The following WDR25 variants were observed in gnomAD, a reference collection of about 807,000 sequenced individuals.
WDR25 encodes the protein WD repeat-containing protein 25.
In WDR25, 35 loss-of-function variants were observed where a neutral mutation model predicts 47.7. The ratio of observed to expected loss-of-function variants is 0.73; its 90% confidence interval spans 0.56 to 0.97. The LOEUF is 0.97. Ranked by LOEUF, WDR25 falls within the 50% of genes least tolerant of loss-of-function variation. The pLI is 0.00. For synonymous variants in WDR25, 248 were observed against 278.9 expected (o/e 0.89, Z 1.10); for missense variants, 634 against 704.7 (o/e 0.90, Z 1.14).
chr14:100,459,907 T>TAC (rs1183436223), intron 2 of WDR25, among the ~76,000 whole-genome samples: 7 of 37,326 alleles, frequency 1.9e-4, no homozygotes, highest in African/African-American at 9.8e-4. Context: ...TATATATATA[T>TAC]ATATATATAT....
chr14:100,440,577 G>A lies in WDR25; in HGVS notation c.823-27444G>A, dbSNP rs982926218. On this transcript the variant is annotated intron_variant, in intron 2 of 6. Coordinates refer to ENST00000402312, the MANE Select transcript of WDR25 (RefSeq NM_001161476.3). The surrounding 1 kb of genome is among the most constrained non-coding windows in gnomAD (Gnocchi z 4.4). ...CACTGGGAGAAAAACACAGGCTCCT[G>A]CTTTGTCCATGTGGAAGGAGCCCAG... 6.6e-6 allele frequency among the ~76,000 whole-genome samples: 1 copy of A among 152,256 alleles called. No individual in the cohort carries two copies. The highest frequency in any genetic ancestry group is 2.4e-5 in the African/African-American group (1 of 41,472).
chr14:100,388,691 C>G (rs1479626249), intron 2 of WDR25, among the ~76,000 whole-genome samples: 1 of 152,332 alleles, frequency 6.6e-6, no homozygotes, highest in Non-Finnish European at 1.5e-5. Flanking sequence ...AGTTGCCTTA[C>G]AATCTTGTAT....
In WDR25 at chr14:100,377,297, T is replaced by TTG. The variant is rs1433295479; in HGVS notation, c.-16+804_-16+805dup. ...GCTGGCTGGCTGGCTTTAGAAGTTG[T>TTG]TGTTGTTGTTGTTGTTTTTTGAGAC... is the stretch of plus-strand genomic sequence containing the variant. On this transcript the variant is annotated intron_variant, in intron 1 of 6. Coordinates refer to ENST00000402312, the MANE Select transcript of WDR25 (RefSeq NM_001161476.3). Among the ~76,000 whole-genome samples the TTG allele has an allele frequency of 5.3e-5, 8 of 151,576 alleles. No homozygotes were observed. In the East Asian group the frequency reaches 9.7e-4, roughly 18 times the overall value.
At chr14:100,432,174 G>A (rs1296996513) in intron 2 of WDR25, among the ~76,000 whole-genome samples, 2 of 152,168 alleles carry the variant, frequency 1.3e-5, no homozygotes, top group Non-Finnish European at 2.9e-5. Flanking sequence ...GAATTCAGGT[G>A]TTTCATTCTC....
At chr14:100,395,516 C>T (rs920985652) in intron 2 of WDR25, among the ~76,000 whole-genome samples, 2 of 152,144 alleles carry the variant, frequency 1.3e-5, no homozygotes, top group African/African-American at 4.8e-5. Flanking sequence ...CTCCTAAGCA[C>T]GGGGCTGGCA....
chr14:100,442,363 T>C (rs1898696374), intron 2 of WDR25, among the ~76,000 whole-genome samples: 1 of 152,172 alleles, frequency 6.6e-6, no homozygotes, highest in Non-Finnish European at 1.5e-5. Flanking sequence ...GTCTTCACCC[T>C]GGGGGAGCTC....
chr14:100,526,996 C>T (rs2030201173), intron 5 of WDR25, among the ~76,000 whole-genome samples: 1 of 3,138 alleles, frequency 3.2e-4, no homozygotes, highest in Non-Finnish European at 1.0e-3. Context: ...TCTCTGTCAC[C>T]TTCACTGTCA....
chr14:100,430,486 C>T lies in WDR25; in HGVS notation c.823-37535C>T, dbSNP rs146523652. On this transcript the variant is annotated intron_variant, in intron 2 of 6. Transcript: ENST00000402312. This position sits in a 1 kb window ranked among gnomAD's most constrained non-coding sequence, Gnocchi z 4.7. ...CAAGGAGAGTGTTTTATCATCAGCA[C>T]GTCAGATGGCGCCTGGCACAAAGTA... Among the ~76,000 whole-genome samples the T allele has an allele frequency of 3.3e-3, 506 of 152,334 alleles. 6 individuals carry two copies. Among genetic ancestry groups the T allele is most frequent in the African/African-American group, 0.012 (491 of 41,566 alleles).
rs1279093956 is a variant in WDR25, at chr14:100,459,880, A to ATGTG, written c.823-8140_823-8139insGTGT. On this transcript the variant is annotated intron_variant, in intron 2 of 6. Transcript: ENST00000402312. The stretch of plus-strand genomic sequence containing the variant: ...GAAATGGATATATATATATATCCGT[A>ATGTG]TATGTGTGTGTGTGTATATATATAT... Among the ~76,000 whole-genome samples, 44 of 71,722 alleles carry ATGTG rather than the reference A, an allele frequency of 6.1e-4. 1 individual carries two copies. Among genetic ancestry groups the ATGTG allele is most frequent in the African/African-American group, 3.2e-3 (43 of 13,496 alleles). 47.1% of individuals were successfully genotyped at this position (71,722 alleles called of 152,430 possible).
chr14:100,481,103 C>CAAAAAAAAAAAAAAA, intron 3 of WDR25: 10 of 246,946 alleles, frequency 4.0e-5, no homozygotes, highest in East Asian at 1.2e-4. Context: ...CAAAAAAGTG[C>CAAAAAAAAAAAAAAA]AAAAAAAAAA....
At chr14:100,383,449 T>G (rs1896951024) in intron 2 of WDR25, among the ~76,000 whole-genome samples, 1 of 152,208 alleles carries the variant, frequency 6.6e-6, no homozygotes, top group Non-Finnish European at 1.5e-5. Flanking sequence ...GGGCAGTGTC[T>G]GACTGGCCCT....
At chr14:100,507,660 T>A (rs1901159451) in intron 4 of WDR25, among the ~76,000 whole-genome samples, 1 of 151,882 alleles carries the variant, frequency 6.6e-6, no homozygotes. Flanking sequence ...TGTTTTTTTT[T>A]TTTTTTATGG....
At chr14:100,388,795 A>G (rs569047407) in intron 2 of WDR25, among the ~76,000 whole-genome samples, 2 of 152,192 alleles carry the variant, frequency 1.3e-5, no homozygotes, top group Admixed American at 1.3e-4. Context: ...ACTTCATTCC[A>G]TTTAACTTAA....
rs1009664102 is a variant in WDR25 at position 100,453,733 on chromosome 14, T to C, written c.823-14288T>C. Among the ~76,000 whole-genome samples, 5 of 152,214 alleles carry C rather than the reference T, an allele frequency of 3.3e-5. No homozygotes were observed. In the East Asian group the frequency reaches 9.6e-4, roughly 29 times the overall value. ...ATCTTCCCACTCTGCGAAGTGGGTG[T>C]AGCTGATGGCCCCCAGAAGCCCCAG... On this transcript the variant is annotated intron_variant, in intron 2 of 6. Coordinates refer to ENST00000402312, the MANE Select transcript of WDR25 (RefSeq NM_001161476.3).
At chr14:100,383,289 G>A (rs752303795) in intron 2 of WDR25, among the ~76,000 whole-genome samples, 6 of 152,226 alleles carry the variant, frequency 3.9e-5, no homozygotes, top group Non-Finnish European at 7.3e-5. Flanking sequence ...GGGCTGTGAA[G>A]TGTGCGCGGA....
intron 4 of WDR25, among the ~76,000 whole-genome samples, chr14:100,485,255 T>A (rs771001284): frequency 6.6e-6 from 1 of 152,118 alleles, no homozygotes; most frequent in Non-Finnish European, 1.5e-5. Flanking sequence ...CCCACTAGCA[T>A]CCGCTAGTCC....
rs745540559 is a variant in WDR25 at position 100,529,817 on chromosome 14, C to T, written c.1414-3C>T. On this transcript the variant is annotated splice_polypyrimidine_tract_variant and splice_region_variant and intron_variant, in intron 6 of 6. Coordinates refer to ENST00000402312, the MANE Select transcript of WDR25 (RefSeq NM_001161476.3). This position sits in a 1 kb window ranked among gnomAD's most constrained non-coding sequence, Gnocchi z 5.1. ...TGCTCACCCACTGTGTCCCTCTCTG[C>T]AGGTGGAGGGCTACTCAGTGGGCTG... 11 of 1,610,818 alleles carry T rather than the reference C, an allele frequency of 6.8e-6. No homozygotes were observed. The highest frequency in any genetic ancestry group is 9.3e-6 in the Non-Finnish European group (11 of 1,179,466).
Position 100,460,152 on chromosome 14 carries a change from GCCCAGGCTGGAGTGCAGTGGCGCGAT to G in WDR25, c.823-7867_823-7842del, listed in dbSNP as rs1212842697. ...TTTTGAGACGGAGTCTCGCTCTGTCGCCCAGGCTGGAGTGCAGTGGCGCGATCTCGGCTTACTGCAAGCTCCACCTC... is the reference window on the plus strand; with the variant it reads ...TTTTGAGACGGAGTCTCGCTCTGTCGCTCGGCTTACTGCAAGCTCCACCTC... On this transcript the variant is annotated intron_variant, in intron 2 of 6. Coordinates refer to ENST00000402312, the MANE Select transcript of WDR25 (RefSeq NM_001161476.3). 1.8e-3 allele frequency among the ~76,000 whole-genome samples: 265 copies of G among 144,096 alleles called. 5 individuals carry two copies. Among genetic ancestry groups the G allele is most frequent in the Middle Eastern group, 7.5e-3 (2 of 266 alleles). The allele number at this position is 144,096 out of a possible 152,430, so 94.5% of individuals were successfully genotyped here.
chr14:100,441,520 T>C (rs994645930), intron 2 of WDR25, among the ~76,000 whole-genome samples: 2 of 151,434 alleles, frequency 1.3e-5, no homozygotes, highest in Non-Finnish European at 2.9e-5. Flanking sequence ...GGTCTTGGAG[T>C]GCCAGAGTGT....
Sources: allele counts gnomAD v4.1 joint callset (sites outside exome capture counted in the v4.1 genomes callset), GRCh38; gene constraint gnomAD v4.1.1; non-coding constraint Gnocchi (gnomAD v3.1); transcripts MANE v1.5; gene names NCBI Gene and HGNC (gene_info 2026-07-23, HGNC 2026-07-21).